The following ADAMTS20 variants were observed in gnomAD, a reference collection of about 807,000 sequenced individuals.
The protein encoded by ADAMTS20 is A disintegrin and metalloproteinase with thrombospondin motifs 20.
A neutral mutation model predicts 260.1 loss-of-function variants in ADAMTS20; 225 were observed. That is an observed-to-expected ratio of 0.87 (90% CI 0.78 to 0.97). The LOEUF is 0.97. Among genes scored for constraint, ADAMTS20 ranks in the 50% least tolerant of loss-of-function variants. The pLI is 0.00. For synonymous variants in ADAMTS20, 802 were observed against 769.5 expected (o/e 1.04, Z -0.70); for missense variants, 2,400 against 2,337.7 (o/e 1.03, Z -0.55).
chr12:43,500,423 A>T (rs1592099066), intron 4 of ADAMTS20, among the ~76,000 whole-genome samples: 1 of 152,184 alleles, frequency 6.6e-6, no homozygotes, highest in Non-Finnish European at 1.5e-5. Flanking sequence ...TGTACATATC[A>T]ACTGACATCC....
intron 26 of ADAMTS20, 35 bp downstream of exon 26, chr12:43,428,206 T>G (rs1389340067): frequency 6.3e-7 from 1 of 1,598,594 alleles, no homozygotes; most frequent in South Asian, 1.1e-5. Context: ...ATAACAAAAT[T>G]ACAGAATTAA....
chr12:43,538,279 C>A (rs1943325083), intron 2 of ADAMTS20, among the ~76,000 whole-genome samples: 1 of 152,170 alleles, frequency 6.6e-6, no homozygotes, highest in African/African-American at 2.4e-5. Context: ...TGATGTTGAG[C>A]ATCTTTTCAC....
chr12:43,373,846 A>G (rs1306751968), intron 36 of ADAMTS20, among the ~76,000 whole-genome samples: 1 of 150,764 alleles, frequency 6.6e-6, no homozygotes, highest in African/African-American at 2.4e-5. Context: ...CGCCCGGCTA[A>G]TTTTTTGTAT....
At chr12:43,528,086 C>A (rs140550805) in intron 3 of ADAMTS20, among the ~76,000 whole-genome samples, 172 of 151,890 alleles carry the variant, frequency 1.1e-3, no homozygotes, top group African/African-American at 3.7e-3. Flanking sequence ...ATCCCTTTTA[C>A]AATAGCTGCA....
rs181166202 is a variant in ADAMTS20, at chr12:43,506,808, A to G, written c.614-4403T>C. Among the ~76,000 whole-genome samples the G allele has an allele frequency of 4.9e-3, 751 of 151,838 alleles. 6 individuals are homozygous for G. Among genetic ancestry groups the G allele is most frequent in the African/African-American group, 0.017 (717 of 41,386 alleles). Reference sequence around the variant, plus strand: ...TTTTTTTTTTTTTTTACCACAATTAAAAAATGTTTCAAAGAATGTTTATAG... The same window carrying G: ...TTTTTTTTTTTTTTTACCACAATTAGAAAATGTTTCAAAGAATGTTTATAG... On this transcript the variant is annotated intron_variant, in intron 3 of 38. Coordinates refer to ENST00000389420, the MANE Select transcript of ADAMTS20 (RefSeq NM_025003.5).
chr12:43,497,842 A>G (rs777936771), intron 4 of ADAMTS20, among the ~76,000 whole-genome samples: 1 of 152,256 alleles, frequency 6.6e-6, no homozygotes, highest in Non-Finnish European at 1.5e-5. Flanking sequence ...AACTTACATT[A>G]TTAAATCTGC....
intron 7 of ADAMTS20, among the ~76,000 whole-genome samples, chr12:43,480,402 T>A (rs1436095552): frequency 6.6e-6 from 1 of 152,194 alleles, no homozygotes; most frequent in Non-Finnish European, 1.5e-5. Flanking sequence ...GAAGTGCAAC[T>A]GTTTCTTCAT....
intron 36 of ADAMTS20, among the ~76,000 whole-genome samples, chr12:43,373,848 T>G (rs1023655144): frequency 6.6e-6 from 1 of 150,926 alleles, no homozygotes; most frequent in Admixed American, 6.6e-5. Flanking sequence ...CCCGGCTAAT[T>G]TTTTGTATTT....
chr12:43,539,250 C>A (rs2137517881), intron 2 of ADAMTS20, among the ~76,000 whole-genome samples: 1 of 152,234 alleles, frequency 6.6e-6, no homozygotes, highest in African/African-American at 2.4e-5. Context: ...CACGCCCAGG[C>A]TTTAATGAAC....
At chr12:43,382,964 ATACT>A (rs1565673895) in intron 31 of ADAMTS20, among the ~76,000 whole-genome samples, 1 of 145,448 alleles carries the variant, frequency 6.9e-6, no homozygotes, top group African/African-American at 2.4e-5. Flanking sequence ...AAATCTCAAA[ATACT>A]TACATTACAG....
chr12:43,373,054 G>A (rs1940140619), intron 36 of ADAMTS20, among the ~76,000 whole-genome samples: 1 of 152,234 alleles, frequency 6.6e-6, no homozygotes, highest in African/African-American at 2.4e-5. Context: ...TGTAAGCTTA[G>A]TACTCATGTG....
chr12:43,432,386 T>A lies in ADAMTS20; in HGVS notation c.3014A>T (p.Glu1005Val). 1 of 1,613,906 alleles carries A rather than the reference T, an allele frequency of 6.2e-7. No homozygotes were observed. The highest frequency in any genetic ancestry group is 8.5e-7 in the Non-Finnish European group (1 of 1,179,866). ...CGTCACTCGGGACAGTTCTTGGCAT[T>A]CATTGTCAGCAAGACGATGGCCAAA... The part of the protein sequence containing the change: ...NNFGHRLADN[E>V]CQELSRVTRE... The change falls in exon 21 of 39, where the codon GAA becomes GTA. Residue 1005 changes from glutamate (E) to valine (V), a missense_variant. Glu to Val is a moderately radical substitution (Grantham distance 121, BLOSUM62 -2). Coordinates refer to ENST00000389420, the MANE Select transcript of ADAMTS20 (RefSeq NM_025003.5).
At chr12:43,542,293 G>A (rs1943387299) in intron 2 of ADAMTS20, among the ~76,000 whole-genome samples, 1 of 152,034 alleles carries the variant, frequency 6.6e-6, no homozygotes, top group South Asian at 2.1e-4. Flanking sequence ...TATTTTGTAG[G>A]TCTATAATGG....
At chr12:43,379,661 A>T (rs1414353935) in intron 31 of ADAMTS20, among the ~76,000 whole-genome samples, 1 of 152,202 alleles carries the variant, frequency 6.6e-6, no homozygotes, top group Non-Finnish European at 1.5e-5. Flanking sequence ...GCTGACAACT[A>T]AACTAAGTGA....
chr12:43,548,222 C>T (rs1943466877), intron 2 of ADAMTS20, among the ~76,000 whole-genome samples: 1 of 152,190 alleles, frequency 6.6e-6, no homozygotes, highest in African/African-American at 2.4e-5. Context: ...GAGAACATCT[C>T]TAAATTAATA....
At chr12:43,483,371 C>G (rs1950379693) in intron 7 of ADAMTS20, among the ~76,000 whole-genome samples, 1 of 152,252 alleles carries the variant, frequency 6.6e-6, no homozygotes, top group African/African-American at 2.4e-5. Flanking sequence ...AATTTTCCAC[C>G]TGTGGGGAGT....
intron 2 of ADAMTS20, among the ~76,000 whole-genome samples, chr12:43,550,127 C>T (rs1592120886): frequency 6.6e-6 from 1 of 152,124 alleles, no homozygotes; most frequent in Non-Finnish European, 1.5e-5. Context: ...CCTGGGGTTC[C>T]ATGAACTTGG....
At chr12:43,528,307 A>G (rs1016706770) in intron 3 of ADAMTS20, among the ~76,000 whole-genome samples, 14 of 140,322 alleles carry the variant, frequency 1.0e-4, no homozygotes, top group African/African-American at 3.6e-4. Context: ...TAAAATTCAT[A>G]TGGAACTAAA....
In ADAMTS20 at chr12:43,502,293, C is replaced by T. The variant is rs1318647208; in HGVS notation, c.726G>A (p.Leu242=). The T allele has an allele frequency of 1.6e-5, 25 of 1,611,746 alleles. No individual in the cohort carries two copies. Among genetic ancestry groups the T allele is most frequent in the Non-Finnish European group, 2.1e-5 (25 of 1,179,228 alleles). ...TCCTGGAATGTCTTCTTTCATCTTTCAATGGTACATTTTTTGATGTGTGTC... is the reference window on the plus strand; with the variant it reads ...TCCTGGAATGTCTTCTTTCATCTTTTAATGGTACATTTTTTGATGTGTGTC... The part of the protein sequence containing the change: ...VLGHTSKNVP[L]KDERRHSRKK... Residue 242 remains leucine, a synonymous_variant, in exon 4 of 39, where the codon TTG becomes TTA. Transcript: ENST00000389420.
Sources: allele counts gnomAD v4.1 joint callset (sites outside exome capture counted in the v4.1 genomes callset), GRCh38; gene constraint gnomAD v4.1.1; transcripts MANE v1.5; gene names NCBI Gene and HGNC (gene_info 2026-07-23, HGNC 2026-07-21).